The following PIGN variants were observed in gnomAD, a reference collection of about 807,000 sequenced individuals.
The protein encoded by PIGN is GPI ethanolamine phosphate transferase 1.
Under a neutral mutation model 125.4 loss-of-function variants are expected in PIGN, and 117 were observed. The ratio of observed to expected loss-of-function variants is 0.93; its 90% CI spans 0.80 to 1.09. The LOEUF (loss-of-function observed/expected upper bound fraction) is 1.09. Ranked by LOEUF, PIGN falls within the 50% of genes least tolerant of loss-of-function variation. PIGN has a pLI of 0.00. For synonymous variants in PIGN, 392 were observed against 377.8 expected (o/e 1.04, Z -0.44); for missense variants, 1,075 against 1,094.9 (o/e 0.98, Z 0.26).
intron 17 of PIGN, among the ~76,000 whole-genome samples, chr18:62,109,266 C>A (rs183316833): frequency 9.0e-4 from 137 of 152,326 alleles, no homozygotes; most frequent in Admixed American, 2.1e-3. Flanking sequence ...GTTAACAATA[C>A]ACTCTATTTT....
chr18:62,139,487 C>T (rs1316452427), intron 12 of PIGN, among the ~76,000 whole-genome samples: 1 of 152,202 alleles, frequency 6.6e-6, no homozygotes. Context: ...TTTCATTATA[C>T]ATATACACAA....
chr18:62,175,484 T>A (rs1424264052), intron 1 of PIGN, among the ~76,000 whole-genome samples: 1 of 152,180 alleles, frequency 6.6e-6, no homozygotes, highest in Non-Finnish European at 1.5e-5. Flanking sequence ...TTAGATTACA[T>A]CTTTTCCCTT....
Position 62,041,916 on chromosome 18 carries a change from C to T in PIGN, c.*3940G>A, listed in dbSNP as rs1478376624. On this transcript the variant is annotated 3_prime_UTR_variant, in exon 31 of 31. Coordinates refer to ENST00000640252, the MANE Select transcript of PIGN (RefSeq NM_176787.5). ...GCTAGTGGAAACTTTTGGCATAATG[C>T]TATCTTCCTCCCTTCACAACGTACA... The T allele has an allele frequency of 6.6e-6, 1 of 152,092 alleles. No homozygotes were observed. The highest frequency in any genetic ancestry group is 1.5e-5 in the Non-Finnish European group (1 of 68,026). The allele number at this position is 152,092 out of a possible 1,614,324, so 9.4% of individuals were successfully genotyped here.
intron 16 of PIGN, 161 bp downstream of exon 16, chr18:62,112,973 A>T (rs1279353136): frequency 1.8e-6 from 1 of 555,212 alleles, no homozygotes; most frequent in East Asian, 2.9e-5. Context: ...AACTGAAGAA[A>T]CAGAGATAAC....
chr18:62,115,856 T>C (rs1250710349), intron 14 of PIGN, among the ~76,000 whole-genome samples: 1 of 152,248 alleles, frequency 6.6e-6, no homozygotes, highest in Non-Finnish European at 1.5e-5. Flanking sequence ...TTCATGCTTG[T>C]AGTCCCAGCA....
Position 62,154,303 on chromosome 18 carries a change from G to A in PIGN, c.549+242C>T, listed in dbSNP as rs572429468. On this transcript the variant is annotated intron_variant, in intron 7 of 30. Transcript: ENST00000640252. Reference sequence around the variant, plus strand: ...CCAGGATGAATCACAAACTAGAAACGAAAAACAGGTTTCCTAAATCCTAAT... The same window carrying A: ...CCAGGATGAATCACAAACTAGAAACAAAAAACAGGTTTCCTAAATCCTAAT... The A allele has an allele frequency of 4.8e-5, 23 of 477,888 alleles. No homozygotes were observed. The East Asian group carries it at 5.9e-4, about 12-fold the overall frequency. The allele number at this position is 477,888 out of a possible 1,614,324, so 29.6% of individuals were successfully genotyped here. A position where few individuals can be genotyped will look rare whatever the true frequency, so the allele number is the denominator to read the frequency against.
At chr18:62,134,831 AGC>A (rs2035866519) in intron 14 of PIGN, among the ~76,000 whole-genome samples, 2 of 152,204 alleles carry the variant, frequency 1.3e-5, no homozygotes, top group Admixed American at 6.5e-5. Context: ...TTATATTTGA[AGC>A]ATGCTTTCTT....
chr18:62,018,683 C>G (rs1222212553), intron 23 of PIGN, among the ~76,000 whole-genome samples: 1 of 152,162 alleles, frequency 6.6e-6, no homozygotes, highest in Non-Finnish European at 1.5e-5. Context: ...AAACCTGGGG[C>G]TCCAGAGGAA....
chr18:62,157,533 G>C (rs1172227967), intron 5 of PIGN, among the ~76,000 whole-genome samples, 154 bp downstream of exon 5: 1 of 152,154 alleles, frequency 6.6e-6, no homozygotes, highest in Non-Finnish European at 1.5e-5. Flanking sequence ...TCTGGAGTCA[G>C]TACCAGTGGG....
intron 29 of PIGN, among the ~76,000 whole-genome samples, chr18:62,073,090 G>C (rs935378362): frequency 1.3e-5 from 2 of 151,896 alleles, no homozygotes; most frequent in African/African-American, 4.8e-5. Context: ...ACTGTGTGCC[G>C]ATCACTGTCT....
intron 7 of PIGN, among the ~76,000 whole-genome samples, chr18:62,151,000 G>A (rs181475099): frequency 1.4e-4 from 21 of 152,152 alleles, no homozygotes; most frequent in Admixed American, 1.2e-3. Context: ...GCGCCTGGCC[G>A]GAGTTATTGT....
At chr18:62,064,421 C>T (rs2032383032) in intron 30 of PIGN, among the ~76,000 whole-genome samples, 1 of 152,160 alleles carries the variant, frequency 6.6e-6, no homozygotes, top group South Asian at 2.1e-4. Flanking sequence ...GCTGGCAGTC[C>T]ATTCATCTCT....
At chr18:62,098,564 A>G (rs1326770383) in intron 22 of PIGN, among the ~76,000 whole-genome samples, 3 of 152,220 alleles carry the variant, frequency 2.0e-5, no homozygotes, top group Non-Finnish European at 4.4e-5. Flanking sequence ...AAGAGTCTCT[A>G]TTCTAAATGA....
At chr18:62,114,838 G>T (rs1004576498) in intron 14 of PIGN, among the ~76,000 whole-genome samples, 199 bp from the exon 15 acceptor site, 1 of 152,126 alleles carries the variant, frequency 6.6e-6, no homozygotes, top group East Asian at 1.9e-4. Context: ...TGGTTTTCTT[G>T]ACTCGAAGTT....
chr18:62,155,786 T>C (rs2036709310), intron 6 of PIGN, among the ~76,000 whole-genome samples: 1 of 152,082 alleles, frequency 6.6e-6, no homozygotes, highest in African/African-American at 2.4e-5. Flanking sequence ...TAGCCAGAAA[T>C]AGGAATGTTA....
intron 4 of PIGN, among the ~76,000 whole-genome samples, chr18:62,160,170 A>T (rs1267407465): frequency 6.6e-6 from 1 of 152,188 alleles, no homozygotes; most frequent in African/African-American, 2.4e-5. Context: ...ATGATGACAG[A>T]TGGAGATGGG....
At chr18:62,143,843 T>G (rs1275575612) in intron 10 of PIGN, among the ~76,000 whole-genome samples, 3 of 152,178 alleles carry the variant, frequency 2.0e-5, no homozygotes, top group African/African-American at 4.8e-5. Flanking sequence ...GTATATTGAG[T>G]TATTATTAAA....
At chr18:62,135,064 C>T (rs543087675) in intron 14 of PIGN, among the ~76,000 whole-genome samples, 21 of 152,224 alleles carry the variant, frequency 1.4e-4, no homozygotes, top group Admixed American at 1.1e-3. Context: ...TCATTTGGAC[C>T]ATTCTTATAC....
chr18:62,036,576 A>G (rs574623759), downstream of PIGN, among the ~76,000 whole-genome samples: 18 of 152,314 alleles, frequency 1.2e-4, no homozygotes, highest in East Asian at 3.3e-3. Flanking sequence ...CAAATTGTTT[A>G]TGGAGCAAGG....
Sources: gnomAD v4.1 joint callset for allele counts (sites outside exome capture counted in the v4.1 genomes callset) on GRCh38, gnomAD v4.1.1 for gene constraint, MANE v1.5 for transcripts, NCBI Gene and HGNC (gene_info 2026-07-23, HGNC 2026-07-21) for gene names.